The following ATG5 variants were observed in gnomAD, a reference collection of about 807,000 sequenced individuals.
ATG5 encodes autophagy protein 5.
Under a neutral mutation model 36.5 loss-of-function variants are expected in ATG5, and 14 were observed. The ratio of observed to expected loss-of-function variants is 0.38; its 90% CI spans 0.25 to 0.60. ATG5 has a LOEUF of 0.60. ATG5 is among the 20% of genes least tolerant of loss of function. ATG5 has a pLI of 0.60. For missense variants in ATG5, 195 were observed against 326.7 expected (o/e 0.60, Z 3.11); for synonymous variants, 95 against 101.5 (o/e 0.94, Z 0.38).
rs186513719 is a variant in ATG5, at chr6:106,317,174, T to C, written c.-58-908A>G. The stretch of plus-strand genomic sequence containing the variant: ...GAATAACACATCACAATACACGATA[T>C]GAGTAAATGCTGAAATAAATATTGT... On this transcript the variant is annotated intron_variant, in intron 1 of 7. Coordinates refer to ENST00000369076, the MANE Select transcript of ATG5 (RefSeq NM_004849.4). 4.6e-5 allele frequency among the ~76,000 whole-genome samples: 7 copies of C among 152,318 alleles called. No homozygotes were observed. In the East Asian group the frequency reaches 1.4e-3, roughly 29 times the overall value.
intron 6 of ATG5, among the ~76,000 whole-genome samples, chr6:106,217,896 T>C (rs760312835): frequency 5.9e-5 from 9 of 152,134 alleles, no homozygotes; most frequent in Non-Finnish European, 1.0e-4. Context: ...ATAATAATAA[T>C]ACCACCAATT....
At chr6:106,235,370 G>A (rs1003354697) in intron 6 of ATG5, among the ~76,000 whole-genome samples, 2 of 152,052 alleles carry the variant, frequency 1.3e-5, no homozygotes, top group Non-Finnish European at 2.9e-5. Context: ...CACCCCTCCC[G>A]AGGAAATCTC....
chr6:106,322,548 C>CGAG (rs1771125078), intron 1 of ATG5, among the ~76,000 whole-genome samples: 1 of 152,134 alleles, frequency 6.6e-6, no homozygotes, highest in East Asian at 1.9e-4. Context: ...CTTCCTCCTC[C>CGAG]TCCTCCTCTC....
chr6:106,295,762 CTATGTTG>C (rs1403966106), intron 3 of ATG5, among the ~76,000 whole-genome samples: 1 of 151,994 alleles, frequency 6.6e-6, no homozygotes, highest in Non-Finnish European at 1.5e-5. Context: ...TAGTGTCCAA[CTATGTTG>C]CCCAGGCTGG....
In ATG5 at chr6:106,262,104, G is replaced by A. The variant is rs114977684; in HGVS notation, c.479-13860C>T. Among the ~76,000 whole-genome samples the A allele has an allele frequency of 1.4e-3, 208 of 152,240 alleles. 3 individuals carry two copies. The highest frequency in any genetic ancestry group is 4.9e-3 in the African/African-American group (202 of 41,548). On this transcript the variant is annotated intron_variant, in intron 5 of 7. Coordinates refer to ENST00000369076, the MANE Select transcript of ATG5 (RefSeq NM_004849.4). ...TTCAGCTGATCTAGGGCAGAGTCTCGCTCTGTCACCCAGGCTGGAGTGCAG... is the reference window on the plus strand; with the variant it reads ...TTCAGCTGATCTAGGGCAGAGTCTCACTCTGTCACCCAGGCTGGAGTGCAG...
chr6:106,203,801 T>C (rs1776526830), intron 6 of ATG5, among the ~76,000 whole-genome samples: 1 of 152,208 alleles, frequency 6.6e-6, no homozygotes, highest in African/African-American at 2.4e-5. Context: ...GGCTGCCTCA[T>C]ATTTTATAAG....
At chr6:106,294,041 C>A (rs964176386) in intron 3 of ATG5, among the ~76,000 whole-genome samples, 6 of 151,590 alleles carry the variant, frequency 4.0e-5, no homozygotes, top group Admixed American at 1.3e-4. Context: ...ATCTGAAAAT[C>A]TGAAATGCTG....
At chr6:106,218,016 A>C (rs976017067) in intron 6 of ATG5, among the ~76,000 whole-genome samples, 1 of 152,344 alleles carries the variant, frequency 6.6e-6, no homozygotes, top group South Asian at 2.1e-4. Flanking sequence ...GTTCTAAGAA[A>C]ATAGTATACA....
chr6:106,209,507 G>A (rs959617349), intron 6 of ATG5, among the ~76,000 whole-genome samples: 28 of 152,192 alleles, frequency 1.8e-4, no homozygotes, highest in Non-Finnish European at 2.9e-4. Flanking sequence ...AAACAAATTA[G>A]TAGTTGTCAG....
At position 106,323,072 on chromosome 6, in the gene ATG5, C is replaced by T. The variant is rs547613823; in HGVS notation, c.-59+2454G>A. Reference sequence around the variant, plus strand: ...TGGCTGGGACTACAAGCGCTTGCCACCAGGCTCGGGTTTGTTTTTTTTGTT... The same window carrying T: ...TGGCTGGGACTACAAGCGCTTGCCATCAGGCTCGGGTTTGTTTTTTTTGTT... On this transcript the variant is annotated intron_variant, in intron 1 of 7. Coordinates refer to ENST00000369076, the MANE Select transcript of ATG5 (RefSeq NM_004849.4). Among the ~76,000 whole-genome samples, 5 of 152,044 alleles carry T rather than the reference C, an allele frequency of 3.3e-5. No homozygotes were observed. The East Asian group carries it at 5.8e-4, about 18-fold the overall frequency.
At position 106,186,978 on chromosome 6, in the gene ATG5, C is replaced by T. The variant is rs138609026; in HGVS notation, c.692-302G>A. Among the ~76,000 whole-genome samples, 447 of 152,256 alleles carry T rather than the reference C, an allele frequency of 2.9e-3. 2 individuals carry two copies. The highest frequency in any genetic ancestry group is 0.01 in the African/African-American group (418 of 41,532). ...AATGAAACTGTAGTGGCAAAAACAG[C>T]CCATTGTACCAATGACCAAAATTTA... On this transcript the variant is annotated intron_variant, in intron 7 of 7. Transcript: ENST00000369076.
intron 6 of ATG5, among the ~76,000 whole-genome samples, chr6:106,243,189 T>C (rs1322920499): frequency 6.6e-6 from 1 of 152,092 alleles, no homozygotes; most frequent in East Asian, 1.9e-4. Context: ...CCAGTAAACC[T>C]CCCAAAAGAA....
rs977086646 is a variant in ATG5 at position 106,185,086 on chromosome 6, CT to C, written c.*1453del. 4.8e-4 allele frequency: 73 copies of C among 152,602 alleles called. No homozygotes were observed. The highest frequency in any genetic ancestry group is 1.7e-3 in the African/African-American group (71 of 41,542). The allele number at this position is 152,602 out of a possible 1,614,324, so 9.5% of individuals were successfully genotyped here. On this transcript the variant is annotated 3_prime_UTR_variant, in exon 8 of 8. Transcript: ENST00000369076. ...GAGATTGTATGCTGTACTGGCTATT[CT>C]TTTTGATTAAGCTTTACAATTTCCA...
At chr6:106,279,371 C>T (rs1295444976) in intron 5 of ATG5, among the ~76,000 whole-genome samples, 4 of 152,190 alleles carry the variant, frequency 2.6e-5, no homozygotes, top group Non-Finnish European at 5.9e-5. Flanking sequence ...ATAAAGACCA[C>T]ATCCTTAGAG....
chr6:106,191,172 T>C (rs959915207), intron 7 of ATG5, among the ~76,000 whole-genome samples: 4 of 152,240 alleles, frequency 2.6e-5, no homozygotes, highest in African/African-American at 9.6e-5. Context: ...CCAGACTTTC[T>C]GAATCAATTT....
chr6:106,237,759 C>T (rs78080013), intron 6 of ATG5, among the ~76,000 whole-genome samples: 127 of 152,248 alleles, frequency 8.3e-4, no homozygotes, highest in African/African-American at 2.8e-3. Flanking sequence ...CATCATATTA[C>T]GAGCCCCAAA....
chr6:106,208,096 A>G (rs1776707350), intron 6 of ATG5, among the ~76,000 whole-genome samples: 1 of 152,188 alleles, frequency 6.6e-6, no homozygotes, highest in Admixed American at 6.5e-5. Flanking sequence ...TGTCTCAAAA[A>G]AGAGTATTAG....
At chr6:106,246,540 A>T (rs1778348681) in intron 6 of ATG5, among the ~76,000 whole-genome samples, 1 of 152,118 alleles carries the variant, frequency 6.6e-6, no homozygotes, top group Admixed American at 6.5e-5. Flanking sequence ...CAAAAAGGAA[A>T]ACCTTTCCTC....
intron 5 of ATG5, among the ~76,000 whole-genome samples, chr6:106,249,643 A>G (rs572467620): frequency 2.6e-5 from 4 of 152,342 alleles, no homozygotes; most frequent in Admixed American, 1.3e-4. Context: ...AGGTAACTCT[A>G]TTTAACTGAT....
Sources: gnomAD v4.1 joint callset for allele counts (sites outside exome capture counted in the v4.1 genomes callset) on GRCh38, gnomAD v4.1.1 for gene constraint, MANE v1.5 for transcripts, NCBI Gene and HGNC (gene_info 2026-07-23, HGNC 2026-07-21) for gene names.